UFSP2: variants seen among roughly 807,000 people sequenced by gnomAD.
The protein encoded by UFSP2 is ufm1-specific protease 2.
Under a neutral mutation model 60.2 loss-of-function variants are expected in UFSP2, and 43 were observed. The observed-to-expected ratio is 0.71, with a 90% CI of 0.56 to 0.92. UFSP2 has a LOEUF of 0.92. Among genes scored for constraint, UFSP2 ranks in the 40% least tolerant of loss-of-function variants. The probability of loss-of-function intolerance (pLI) is 0.00; values close to 1 mark genes in which losing one functional copy is unlikely to be tolerated. For missense variants in UFSP2, 520 were observed against 575.0 expected, an observed-to-expected ratio of 0.90 and a Z score of 0.98; for synonymous variants, 183 against 195.1, an observed-to-expected ratio of 0.94 and a Z score of 0.52.
intron 2 of UFSP2, among the ~76,000 whole-genome samples, chr4:185,420,284 G>GAA (rs1481075007): frequency 6.6e-6 from 1 of 151,886 alleles, no homozygotes; most frequent in Non-Finnish European, 1.5e-5. Context: ...AAATATGTTT[G>GAA]AATATTCAAA....
intron 11 of UFSP2, chr4:185,402,340 A>C (rs1422487866): frequency 2.2e-6 from 1 of 454,152 alleles, no homozygotes; most frequent in African/African-American, 2.0e-5. Flanking sequence ...TTCAAATTCC[A>C]AATGCTGTGA....
chr4:185,408,475 G>A (rs2095524094), intron 7 of UFSP2, 40 bp from the exon 8 acceptor site: 2 of 1,583,946 alleles, frequency 1.3e-6, no homozygotes, highest in Non-Finnish European at 1.7e-6. Context: ...ATTAACTTAG[G>A]ATAGAAGTAC....
chr4:185,415,826 G>A lies in UFSP2; in HGVS notation c.375C>T (p.Thr125=). ...VNIDLMLEMS[T]SLAAVTPIIE... ...TGATGGGCGTTACAGCTGCCAGGGA[G>A]GTTGACATTTCCAGCATAAGATCTA... is the stretch of plus-strand genomic sequence containing the variant. The change falls in exon 5 of 12, where the codon ACC becomes ACT. Residue 125 remains threonine, a synonymous_variant. Transcript: ENST00000264689. 6.2e-7 allele frequency: 1 copy of A among 1,613,610 alleles called. No individual in the cohort carries two copies. Among genetic ancestry groups the A allele is most frequent in the Non-Finnish European group, 8.5e-7 (1 of 1,179,624 alleles).
intron 11 of UFSP2, among the ~76,000 whole-genome samples, chr4:185,401,212 C>T (rs1431986216): frequency 1.3e-5 from 2 of 152,076 alleles, no homozygotes; most frequent in African/African-American, 4.8e-5. Flanking sequence ...GGTCTGACTC[C>T]CTCCTAATAA....
intron 4 of UFSP2, among the ~76,000 whole-genome samples, chr4:185,417,148 A>G (rs1164108258): frequency 1.3e-5 from 2 of 152,188 alleles, no homozygotes; most frequent in Non-Finnish European, 2.9e-5. Context: ...CTTTCATACC[A>G]TGTGCTGAGG....
chr4:185,400,508 T>G, intron 11 of UFSP2, 30 bp from the exon 12 acceptor site: 2 of 1,529,108 alleles, frequency 1.3e-6, no homozygotes, highest in Non-Finnish European at 1.8e-6. Flanking sequence ...AAGGAAAGCC[T>G]TTTACAAAGT....
intron 10 of UFSP2, among the ~76,000 whole-genome samples, chr4:185,405,545 T>A (rs571877898): frequency 1.4e-4 from 21 of 152,358 alleles, no homozygotes; most frequent in African/African-American, 5.0e-4. Flanking sequence ...TCTTTAAATG[T>A]TTGAACATAG....
chr4:185,402,696 G>A (rs1272938888), intron 11 of UFSP2, among the ~76,000 whole-genome samples: 1 of 152,096 alleles, frequency 6.6e-6, no homozygotes, highest in South Asian at 2.1e-4. Flanking sequence ...GGCTGGTCTC[G>A]AATTCCTGAT....
intron 2 of UFSP2, 72 bp downstream of exon 2, chr4:185,422,413 G>T: frequency 8.8e-7 from 1 of 1,133,450 alleles, no homozygotes; most frequent in Non-Finnish European, 1.3e-6. Flanking sequence ...AGTTTCATTT[G>T]CAAAGTGGAA....
chr4:185,413,603 G>A, intron 7 of UFSP2, 123 bp downstream of exon 7: 1 of 964,970 alleles, frequency 1.0e-6, no homozygotes, highest in Non-Finnish European at 1.5e-6. Context: ...TAACAGAGAT[G>A]GGTGATAAAT....
intron 1 of UFSP2, among the ~76,000 whole-genome samples, chr4:185,423,695 T>C (rs2095553543): frequency 6.6e-6 from 1 of 152,206 alleles, no homozygotes; most frequent in Non-Finnish European, 1.5e-5. Context: ...GTTCTTTACT[T>C]GGATCCATAT....
Position 185,415,694 on chromosome 4 carries a change from C to G in UFSP2, c.491+16G>C. ...CCCTCATTCAAATGTGGCAGTGGTACTATAAAAATACTTACTTTCCCCATG... is the reference window on the plus strand; with the variant it reads ...CCCTCATTCAAATGTGGCAGTGGTAGTATAAAAATACTTACTTTCCCCATG... On this transcript the variant is annotated intron_variant, in intron 5 of 11. Coordinates refer to ENST00000264689, the MANE Select transcript of UFSP2 (RefSeq NM_018359.5). The G allele has an allele frequency of 6.3e-7, 1 of 1,598,388 alleles. No individual in the cohort carries two copies. Among genetic ancestry groups the G allele is most frequent in the Non-Finnish European group, 8.5e-7 (1 of 1,172,462 alleles).
chr4:185,417,975 C>T (rs1304994597), intron 4 of UFSP2, among the ~76,000 whole-genome samples: 3 of 150,934 alleles, frequency 2.0e-5, no homozygotes, highest in South Asian at 2.1e-4. Flanking sequence ...ACCCGGGAGG[C>T]GGAAGTTGCA....
intron 2 of UFSP2, among the ~76,000 whole-genome samples, chr4:185,420,500 A>T (rs1318135214): frequency 6.6e-6 from 1 of 151,552 alleles, no homozygotes; most frequent in Non-Finnish European, 1.5e-5. Flanking sequence ...AAGAGTATTT[A>T]AAAAATAAAT....
chr4:185,411,141 CA>C (rs2095528659), intron 7 of UFSP2, among the ~76,000 whole-genome samples: 1 of 146,126 alleles, frequency 6.8e-6, no homozygotes, highest in South Asian at 2.1e-4. Context: ...TTAAAAGACA[CA>C]AGGCATAAAA....
At chr4:185,410,433 A>G (rs989229901) in intron 7 of UFSP2, among the ~76,000 whole-genome samples, 3 of 151,850 alleles carry the variant, frequency 2.0e-5, no homozygotes, top group East Asian at 1.9e-4. Context: ...TAGATCACCT[A>G]AAGTCAGGAG....
intron 11 of UFSP2, among the ~76,000 whole-genome samples, chr4:185,402,891 C>T (rs2095514987): frequency 6.6e-6 from 1 of 152,172 alleles, no homozygotes; most frequent in African/African-American, 2.4e-5. Flanking sequence ...ACTTAAAATT[C>T]AAGTTAATTA....
At position 185,425,931 on chromosome 4, in the gene UFSP2, G is replaced by GT; in HGVS notation, c.-64_-63insA. The GT allele has an allele frequency of 6.4e-7, 1 of 1,560,262 alleles. No individual in the cohort carries two copies. The highest frequency in any genetic ancestry group is 8.7e-7 in the Non-Finnish European group (1 of 1,151,390). The stretch of plus-strand genomic sequence containing the variant: ...CCCAAAAGTTCCGGGGGCCGGCCCT[G>GT]AAGTGGTGTCACCGCACGGCCCAGG... On this transcript the variant is annotated 5_prime_UTR_variant, in exon 1 of 12. Transcript: ENST00000264689.
At chr4:185,424,917 C>A (rs1036739170) in intron 1 of UFSP2, among the ~76,000 whole-genome samples, 2 of 152,198 alleles carry the variant, frequency 1.3e-5, no homozygotes, top group African/African-American at 4.8e-5. Flanking sequence ...TCCGAATTAG[C>A]TGAGATACTC....
Sources: gnomAD v4.1 joint callset for allele counts (sites outside exome capture counted in the v4.1 genomes callset) on GRCh38, gnomAD v4.1.1 for gene constraint, MANE v1.5 for transcripts, NCBI Gene and HGNC (gene_info 2026-07-23, HGNC 2026-07-21) for gene names.